MAPK4: variants seen among roughly 807,000 people sequenced by gnomAD.
MAPK4 encodes mitogen-activated protein kinase 4.
A neutral mutation model predicts 47.7 loss-of-function variants in MAPK4; 22 were observed. The observed-to-expected ratio is 0.46, with a 90% CI of 0.33 to 0.66. The LOEUF (loss-of-function observed/expected upper bound fraction) is 0.66, where lower values mean the gene tolerates loss of function less well. Among genes scored for constraint, MAPK4 ranks in the 30% least tolerant of loss-of-function variants. The probability of loss-of-function intolerance (pLI) is 0.02; values close to 1 mark genes in which losing one functional copy is unlikely to be tolerated. For missense variants in MAPK4, 736 were observed against 831.7 expected (o/e 0.88, Z 1.42); for synonymous variants, 390 against 365.7 (o/e 1.07, Z -0.76).
chr18:50,559,839 C>T (rs2042135291), upstream of MAPK4, among the ~76,000 whole-genome samples: 1 of 151,498 alleles, frequency 6.6e-6, no homozygotes, highest in Non-Finnish European at 1.5e-5. Flanking sequence ...GGCTCGGCTC[C>T]CCAGGTGAGC....
At chr18:50,686,300 C>A (rs1162285185) in intron 2 of MAPK4, among the ~76,000 whole-genome samples, 2 of 152,198 alleles carry the variant, frequency 1.3e-5, no homozygotes, top group Non-Finnish European at 2.9e-5. Flanking sequence ...ACATTAAATT[C>A]TGTTCCCTGG....
intron 1 of MAPK4, among the ~76,000 whole-genome samples, chr18:50,661,729 TAAGG>T (rs1185233747): frequency 6.6e-6 from 1 of 152,240 alleles, no homozygotes; most frequent in East Asian, 1.9e-4. Context: ...CATCTCCAGA[TAAGG>T]ACCACGGGCC....
chr18:50,593,914 G>A (rs544011473), intron 1 of MAPK4, among the ~76,000 whole-genome samples: 6 of 152,162 alleles, frequency 3.9e-5, no homozygotes, highest in Non-Finnish European at 7.3e-5. Context: ...GAAGTCCCGC[G>A]ACAAACTGTC....
chr18:50,640,678 C>T lies in MAPK4; in HGVS notation c.-870-22411C>T, dbSNP rs527373296. On this transcript the variant is annotated intron_variant, in intron 1 of 5. Transcript: ENST00000400384. The stretch of plus-strand genomic sequence containing the variant: ...ATGGGGTTTCACCATGTTGGCCAGG[C>T]TGGTCTCGAACTCCTGACCTCAGGT... Among the ~76,000 whole-genome samples the T allele has an allele frequency of 3.1e-4, 47 of 152,288 alleles. No individual in the cohort carries two copies. In the East Asian group the frequency reaches 8.1e-3, roughly 26 times the overall value.
intron 1 of MAPK4, among the ~76,000 whole-genome samples, chr18:50,633,837 C>T (rs1195389265): frequency 6.6e-6 from 1 of 152,082 alleles, no homozygotes; most frequent in Admixed American, 6.6e-5. Context: ...TGGAGAATTG[C>T]GAGACTATAG....
intron 1 of MAPK4, among the ~76,000 whole-genome samples, chr18:50,609,414 G>A (rs920335062): frequency 2.0e-5 from 3 of 151,708 alleles, no homozygotes; most frequent in African/African-American, 7.3e-5. Context: ...CCCGGACGGG[G>A]CGGCGAGATA....
At chr18:50,681,757 T>C (rs551772799) in intron 2 of MAPK4, among the ~76,000 whole-genome samples, 2 of 152,336 alleles carry the variant, frequency 1.3e-5, no homozygotes, top group South Asian at 2.1e-4. Context: ...CTTCATTTTT[T>C]GTTGCTGTAT....
intron 1 of MAPK4, among the ~76,000 whole-genome samples, chr18:50,640,854 G>A (rs111425012): frequency 0.015 from 2,286 of 152,196 alleles, 53 homozygotes; most frequent in African/African-American, 0.047. Flanking sequence ...TAGTGCCTGC[G>A]CAGTCAGGGA....
chr18:50,612,565 C>T (rs1172086391), intron 1 of MAPK4, among the ~76,000 whole-genome samples: 1 of 152,160 alleles, frequency 6.6e-6, no homozygotes, highest in African/African-American at 2.4e-5. Flanking sequence ...GACTGGAGGG[C>T]TCATCATGGA....
intron 1 of MAPK4, among the ~76,000 whole-genome samples, chr18:50,602,679 G>C (rs1210021330): frequency 1.3e-5 from 2 of 152,160 alleles, no homozygotes; most frequent in African/African-American, 4.8e-5. Context: ...ATTAGCATAA[G>C]GTATGTGAGA....
chr18:50,561,012 G>A (rs745700426), intron 1 of MAPK4, among the ~76,000 whole-genome samples: 5 of 152,272 alleles, frequency 3.3e-5, no homozygotes, highest in African/African-American at 7.2e-5. Context: ...CGGATGCCCC[G>A]GGAGGGGGCT....
intron 1 of MAPK4, among the ~76,000 whole-genome samples, chr18:50,611,226 C>G (rs1041446204): frequency 6.6e-6 from 1 of 152,212 alleles, no homozygotes; most frequent in Admixed American, 6.5e-5. Flanking sequence ...GTAATTGTTT[C>G]TTACCAACCT....
chr18:50,583,267 T>A (rs2042361674), intron 1 of MAPK4, among the ~76,000 whole-genome samples: 1 of 152,190 alleles, frequency 6.6e-6, no homozygotes, highest in South Asian at 2.1e-4. Context: ...AAAAGCACCA[T>A]TCGATTGGTT....
intron 2 of MAPK4, among the ~76,000 whole-genome samples, chr18:50,685,590 T>C (rs757874635): frequency 6.6e-6 from 1 of 152,212 alleles, no homozygotes; most frequent in African/African-American, 2.4e-5. Flanking sequence ...GTGGGATTGC[T>C]TATCCAGCCA....
At chr18:50,723,743 G>A (rs1355725774) in intron 4 of MAPK4, among the ~76,000 whole-genome samples, 3 of 152,006 alleles carry the variant, frequency 2.0e-5, no homozygotes, top group Admixed American at 1.3e-4. Context: ...GCACACCTAT[G>A]GTCTCAGCTA....
intron 1 of MAPK4, among the ~76,000 whole-genome samples, chr18:50,571,113 G>A (rs1425606210): frequency 6.6e-6 from 1 of 152,122 alleles, no homozygotes; most frequent in Non-Finnish European, 1.5e-5. Flanking sequence ...CTCTAGAAAG[G>A]GCCCTGTCTT....
chr18:50,640,404 T>C (rs1422390926), intron 1 of MAPK4, among the ~76,000 whole-genome samples: 1 of 151,384 alleles, frequency 6.6e-6, no homozygotes, highest in Non-Finnish European at 1.5e-5. Flanking sequence ...AAAAAAATTA[T>C]ATGGATGCCC....
chr18:50,624,937 C>G (rs1045516850), intron 1 of MAPK4, among the ~76,000 whole-genome samples: 1 of 152,056 alleles, frequency 6.6e-6, no homozygotes, highest in African/African-American at 2.4e-5. Flanking sequence ...AGTGTTGGGT[C>G]AGCTCTAAGC....
chr18:50,577,427 T>A (rs1310632196), intron 1 of MAPK4, among the ~76,000 whole-genome samples: 2 of 152,314 alleles, frequency 1.3e-5, no homozygotes, highest in East Asian at 3.9e-4. Flanking sequence ...GGGGCGTTTT[T>A]AAAATACCGA....
Sources: gnomAD v4.1 joint callset for allele counts (sites outside exome capture counted in the v4.1 genomes callset) on GRCh38, gnomAD v4.1.1 for gene constraint, MANE v1.5 for transcripts, NCBI Gene and HGNC (gene_info 2026-07-23, HGNC 2026-07-21) for gene names.